POU2AF1: variants seen among roughly 807,000 people sequenced by gnomAD.
POU2AF1 encodes the protein POU domain class 2-associating factor 1.
A neutral mutation model predicts 26.3 loss-of-function variants in POU2AF1; 12 were observed. The ratio of observed to expected loss-of-function variants is 0.46; its 90% CI spans 0.29 to 0.74. The LOEUF is 0.74. POU2AF1 is among the 30% of genes least tolerant of loss of function. The pLI, the probability that POU2AF1 is intolerant of heterozygous loss-of-function variation, is 0.09. For synonymous variants in POU2AF1, 175 were observed against 148.0 expected, an observed-to-expected ratio of 1.18 and a Z score of -1.32; for missense variants, 297 against 334.5, an observed-to-expected ratio of 0.89 and a Z score of 0.87.
At chr11:111,371,174 T>C (rs1159009849) in intron 1 of POU2AF1, among the ~76,000 whole-genome samples, 1 of 152,222 alleles carries the variant, frequency 6.6e-6, no homozygotes, top group Non-Finnish European at 1.5e-5. Flanking sequence ...TGGCTCTTTC[T>C]AGTGCATTAA....
At position 111,374,116 on chromosome 11, in the gene POU2AF1, ATTTT is replaced by A. The variant is rs60260380; in HGVS notation, c.16+5042_16+5045del. 9.1e-5 allele frequency among the ~76,000 whole-genome samples: 10 copies of A among 109,648 alleles called. 1 individual carries two copies. The highest frequency in any genetic ancestry group is 5.5e-4 in the Admixed American group (5 of 9,096). The allele number at this position is 109,648 out of a possible 152,430, so 71.9% of individuals were successfully genotyped here. A position where few individuals can be genotyped will look rare whatever the true frequency, so the allele number is the denominator to read the frequency against. ...TAATGAACAGCTGTAGGCAAACTTG[ATTTT>A]TTTTTTTTTTTTTTTTGGTTCCTCA... On this transcript the variant is annotated intron_variant, in intron 1 of 4. Coordinates refer to ENST00000393067, the MANE Select transcript of POU2AF1 (RefSeq NM_006235.3).
intron 1 of POU2AF1, chr11:111,359,847 G>A (rs543600989): frequency 2.1e-6 from 1 of 469,986 alleles, no homozygotes; most frequent in South Asian, 1.6e-5. Context: ...TTGATTAATC[G>A]ATTGGGTGAT....
At chr11:111,365,910 T>C (rs141609039) in intron 1 of POU2AF1, among the ~76,000 whole-genome samples, 1 of 152,218 alleles carries the variant, frequency 6.6e-6, no homozygotes, top group African/African-American at 2.4e-5. Flanking sequence ...ATTTTGTTTG[T>C]ACTTGTGGCC....
At chr11:111,359,951 G>A (rs1181780973) in intron 1 of POU2AF1, 1 of 518,912 alleles carries the variant, frequency 1.9e-6, no homozygotes, top group Non-Finnish European at 3.8e-6. Flanking sequence ...GACTTTCAGG[G>A]CATGGGACAA....
rs1591187442 is a variant in POU2AF1 at position 111,354,357 on chromosome 11, T to C, written c.675A>G (p.Arg225=). Residue 225 remains arginine (R), a synonymous_variant, in exon 5 of 5, where the codon AGA becomes AGG. Coordinates refer to ENST00000393067, the MANE Select transcript of POU2AF1 (RefSeq NM_006235.3). ...PVLQDMEDPR[R]AASSLTIDKL... is the part of the protein sequence containing the mutation. ...TGTCGATGGTCAACGAGCTGGCGGCTCTTCTGGGGTCTTCCATGTCCTGAA... is the reference window on the plus strand; with the variant it reads ...TGTCGATGGTCAACGAGCTGGCGGCCCTTCTGGGGTCTTCCATGTCCTGAA... The C allele has an allele frequency of 6.2e-7, 1 of 1,614,190 alleles. No individual in the cohort carries two copies.
Position 111,379,155 on chromosome 11 carries a change from C to T in POU2AF1, c.16+7G>A, listed in dbSNP as rs1227142708. 6.2e-7 allele frequency: 1 copy of T among 1,614,158 alleles called. No homozygotes were observed. Reference sequence around the variant, plus strand: ...TTGGGTCTGACAGCCACAGCCAAACCACTTACGTTTTTGCCAGAGCATGGC... The same window carrying T: ...TTGGGTCTGACAGCCACAGCCAAACTACTTACGTTTTTGCCAGAGCATGGC... On this transcript the variant is annotated splice_region_variant and intron_variant, in intron 1 of 4. Transcript: ENST00000393067.
chr11:111,366,561 C>T (rs1490941388), intron 1 of POU2AF1, among the ~76,000 whole-genome samples: 1 of 152,196 alleles, frequency 6.6e-6, no homozygotes, highest in East Asian at 1.9e-4. Context: ...GGGACAGTGA[C>T]ATGTGCCCTC....
chr11:111,368,422 A>G (rs1217620100), intron 1 of POU2AF1, among the ~76,000 whole-genome samples: 2 of 152,100 alleles, frequency 1.3e-5, no homozygotes, highest in East Asian at 1.9e-4. Flanking sequence ...GTCCTATCCT[A>G]TCTTGGCTGA....
chr11:111,368,703 C>G (rs1861152339), intron 1 of POU2AF1, among the ~76,000 whole-genome samples: 1 of 152,180 alleles, frequency 6.6e-6, no homozygotes, highest in Non-Finnish European at 1.5e-5. Context: ...GGGACTAGAC[C>G]TAGTTTAGAA....
At chr11:111,354,731 C>T (rs1440581884) in intron 4 of POU2AF1, among the ~76,000 whole-genome samples, 156 bp from the exon 5 acceptor site, 1 of 152,134 alleles carries the variant, frequency 6.6e-6, no homozygotes, top group Non-Finnish European at 1.5e-5. Flanking sequence ...AAAGTCTTCC[C>T]CAAGGGAGGA....
At position 111,379,098 on chromosome 11, in the gene POU2AF1, A is replaced by C. The variant is rs1241719293; in HGVS notation, c.16+64T>G. ...CCACCAGCTCCCCAATTCCAGACCA[A>C]GCTGTGATCGCCCTGCCCCGCTGGC... On this transcript the variant is annotated intron_variant, in intron 1 of 4. Transcript: ENST00000393067. 3.1e-6 allele frequency: 5 copies of C among 1,605,060 alleles called. No homozygotes were observed. In the African/African-American group the frequency reaches 6.7e-5, roughly 22 times the overall value.
chr11:111,369,047 C>T (rs1861158687), intron 1 of POU2AF1, among the ~76,000 whole-genome samples: 1 of 152,226 alleles, frequency 6.6e-6, no homozygotes, highest in Non-Finnish European at 1.5e-5. Flanking sequence ...GCCTGCCAGG[C>T]CTGTCTCTAC....
intron 4 of POU2AF1, among the ~76,000 whole-genome samples, chr11:111,355,498 T>G (rs1860825953): frequency 6.6e-6 from 1 of 152,266 alleles, no homozygotes; most frequent in Non-Finnish European, 1.5e-5. Flanking sequence ...CCCCCTACCA[T>G]CCCTGTCTCC....
intron 1 of POU2AF1, among the ~76,000 whole-genome samples, chr11:111,372,450 C>T (rs1167725777): frequency 6.6e-6 from 1 of 152,106 alleles, no homozygotes; most frequent in Non-Finnish European, 1.5e-5. Context: ...CATGGAAGGC[C>T]TGTGCTTTTA....
Position 111,354,578 on chromosome 11 carries a change from GT to G in POU2AF1, c.457-4del. On this transcript the variant is annotated splice_polypyrimidine_tract_variant and splice_region_variant and intron_variant, in intron 4 of 4. Transcript: ENST00000393067. ...GCGGGCGTGGCGGAGCTTCTTGTCT[GT>G]GACAGGAAAACACGTGACAGAGGGT... The G allele has an allele frequency of 6.6e-7, 1 of 1,515,610 alleles. No homozygotes were observed. The highest frequency in any genetic ancestry group is 1.4e-5 in the South Asian group (1 of 73,380). 93.9% of individuals were successfully genotyped at this position (1,515,610 alleles called of 1,614,324 possible).
intron 1 of POU2AF1, among the ~76,000 whole-genome samples, chr11:111,365,935 G>A (rs965546748): frequency 1.3e-5 from 2 of 152,096 alleles, no homozygotes; most frequent in Non-Finnish European, 2.9e-5. Flanking sequence ...GACTTCTAGA[G>A]AACATTAACT....
At position 111,358,857 on chromosome 11, in the gene POU2AF1, C is replaced by A; in HGVS notation, c.78G>T (p.Glu26Asp). 6.2e-7 allele frequency: 1 copy of A among 1,609,208 alleles called. No individual in the cohort carries two copies. The highest frequency in any genetic ancestry group is 8.5e-7 in the Non-Finnish European group (1 of 1,179,988). ...TCCTCCTCAGCAGTTCCTTCACTGG[C>A]TCCTTCACACGGACGCCCTGGTATG... ...ARPYQGVRVK[E>D]PVKELLRRKR... The change falls in exon 2 of 5, where the codon GAG becomes GAT. Residue 26 changes from glutamate to aspartate, a missense_variant. Glu to Asp is a conservative substitution (Grantham distance 45, BLOSUM62 2). Coordinates refer to ENST00000393067, the MANE Select transcript of POU2AF1 (RefSeq NM_006235.3).
At chr11:111,371,835 G>A (rs991533474) in intron 1 of POU2AF1, among the ~76,000 whole-genome samples, 1 of 152,002 alleles carries the variant, frequency 6.6e-6, no homozygotes, top group African/African-American at 2.4e-5. Flanking sequence ...GGTGGCAGAA[G>A]GAGGAAAAAG....
chr11:111,367,042 G>A (rs1165506236), intron 1 of POU2AF1, among the ~76,000 whole-genome samples: 2 of 152,106 alleles, frequency 1.3e-5, no homozygotes, highest in Non-Finnish European at 2.9e-5. Flanking sequence ...TGGGTGTCCC[G>A]CCCCACAACC....
Sources: gnomAD v4.1 joint callset for allele counts (sites outside exome capture counted in the v4.1 genomes callset) on GRCh38, gnomAD v4.1.1 for gene constraint, MANE v1.5 for transcripts, NCBI Gene and HGNC (gene_info 2026-07-23, HGNC 2026-07-21) for gene names.